The following SP110 variants were observed in gnomAD, a reference collection of about 807,000 sequenced individuals.
The protein encoded by SP110 is interferon-induced protein 41, 30kD.
Under a neutral mutation model 92.7 loss-of-function variants are expected in SP110, and 62 were observed. The ratio of observed to expected loss-of-function variants is 0.67; its 90% CI spans 0.55 to 0.83. The LOEUF (loss-of-function observed/expected upper bound fraction) is 0.83, where lower values mean the gene tolerates loss of function less well. SP110 is among the 40% of genes least tolerant of loss of function. The pLI, the probability that SP110 is intolerant of heterozygous loss-of-function variation, is 0.00. For missense variants in SP110, 793 were observed against 863.9 expected, an observed-to-expected ratio of 0.92 and a Z score of 1.03; for synonymous variants, 273 against 305.3, an observed-to-expected ratio of 0.89 and a Z score of 1.10.
chr2:230,173,967 C>T (rs2041733139), intron 14 of SP110: 1 of 152,196 alleles, frequency 6.6e-6, no homozygotes, highest in Admixed American at 6.5e-5. Flanking sequence ...TCTTTGCAGG[C>T]AGGATTTGAA....
At chr2:230,184,000 G>T (rs576085053) in intron 11 of SP110, among the ~76,000 whole-genome samples, 1 of 152,276 alleles carries the variant, frequency 6.6e-6, no homozygotes, top group East Asian at 1.9e-4. Context: ...CACCCCTGCA[G>T]ATACTATGTT....
chr2:230,220,056 C>T, upstream of SP110: 2 of 985,554 alleles, frequency 2.0e-6, no homozygotes, highest in Non-Finnish European at 2.4e-6. Flanking sequence ...TTTGCCAAGC[C>T]GGAAGCTGAA....
intron 12 of SP110, among the ~76,000 whole-genome samples, chr2:230,182,257 A>G (rs1277373480): frequency 2.0e-5 from 3 of 152,260 alleles, no homozygotes; most frequent in South Asian, 4.1e-4. Flanking sequence ...GAGTTAAACA[A>G]TGAGAACACA....
At chr2:230,209,422 G>A (rs1468598031) in intron 7 of SP110, among the ~76,000 whole-genome samples, 1 of 152,080 alleles carries the variant, frequency 6.6e-6, no homozygotes, top group African/African-American at 2.4e-5. Flanking sequence ...GGAAATTATT[G>A]GATGATATTG....
chr2:230,178,096 C>T, intron 13 of SP110, 61 bp downstream of exon 13: 1 of 1,002,410 alleles, frequency 1.0e-6, no homozygotes, highest in Admixed American at 1.9e-5. Context: ...CGGGTATTTT[C>T]CTCCCTTCTA....
intron 10 of SP110, among the ~76,000 whole-genome samples, chr2:230,195,765 A>G (rs2148818049): frequency 6.6e-6 from 1 of 152,362 alleles, no homozygotes; most frequent in East Asian, 1.9e-4. Flanking sequence ...AATGTTTAAA[A>G]AATTAAAAAT....
intron 12 of SP110, among the ~76,000 whole-genome samples, chr2:230,181,900 C>A (rs914942028): frequency 2.0e-5 from 3 of 152,224 alleles, no homozygotes; most frequent in Admixed American, 2.0e-4. Flanking sequence ...GAAGCAATTC[C>A]TCAAAGACCT....
chr2:230,221,209 A>T (rs1197563335), upstream of SP110, among the ~76,000 whole-genome samples: 2 of 148,140 alleles, frequency 1.4e-5, no homozygotes, highest in African/African-American at 5.0e-5. Context: ...TGAACCCAGG[A>T]GGTGGAGGTT....
chr2:230,221,694 A>G (rs1334838022), upstream of SP110: 3 of 1,535,918 alleles, frequency 2.0e-6, no homozygotes, highest in East Asian at 4.9e-5. Context: ...CAAATGTCAC[A>G]TGTCACTTAC....
intron 18 of SP110, 137 bp downstream of exon 18, chr2:230,170,484 G>GT (rs1026361985): frequency 1.3e-4 from 131 of 1,044,416 alleles, no homozygotes; most frequent in Middle Eastern, 6.2e-4. Context: ...TGCCGAGGTG[G>GT]TTTTTTTTCT....
At chr2:230,208,418 T>C (rs1484162055) in intron 7 of SP110, among the ~76,000 whole-genome samples, 1 of 152,158 alleles carries the variant, frequency 6.6e-6, no homozygotes, top group Admixed American at 6.5e-5. Context: ...ACTGCTTTAA[T>C]GAATACTTGA....
At chr2:230,215,184 G>A (rs1482245320) in intron 2 of SP110, 66 bp from the exon 3 acceptor site, 1 of 1,316,484 alleles carries the variant, frequency 7.6e-7, no homozygotes. Context: ...ATACATTTAT[G>A]GTTTTCTAAG....
chr2:230,185,930 T>C (rs2042335353), intron 11 of SP110, 64 bp downstream of exon 11: 1 of 1,394,276 alleles, frequency 7.2e-7, no homozygotes, highest in Non-Finnish European at 1.0e-6. Flanking sequence ...TCTGACCCTG[T>C]ACTGCTCCAA....
chr2:230,183,570 A>T lies in SP110; in HGVS notation c.1348+2T>A, dbSNP rs912331850. The T allele has an allele frequency of 1.4e-5, 22 of 1,606,492 alleles. No individual in the cohort carries two copies. Among genetic ancestry groups the T allele is most frequent in the Non-Finnish European group, 1.9e-5 (22 of 1,173,324 alleles). On this transcript the variant is annotated splice_donor_variant, in intron 12 of 18. Transcript: ENST00000258381. LOFTEE classifies it high-confidence loss of function. ...GGGAGGCGCTGTGGCTTGCTTGCTT[A>T]CCTCTTCGGTGAATATTTTTCTGAA...
intron 10 of SP110, among the ~76,000 whole-genome samples, chr2:230,195,975 CA>C (rs1368409671): frequency 6.6e-6 from 1 of 151,954 alleles, no homozygotes; most frequent in Non-Finnish European, 1.5e-5. Flanking sequence ...ATGAAGATGA[CA>C]AATTTATTTA....
At chr2:230,205,788 G>T (rs2043721810) in intron 8 of SP110, among the ~76,000 whole-genome samples, 1 of 152,164 alleles carries the variant, frequency 6.6e-6, no homozygotes, top group Non-Finnish European at 1.5e-5. Context: ...CCAGTGTGCA[G>T]CTGGCTATGT....
chr2:230,225,240 C>G (rs554381508), intron 1 of SP110, among the ~76,000 whole-genome samples: 131 of 152,324 alleles, frequency 8.6e-4, no homozygotes, highest in African/African-American at 3.0e-3. Flanking sequence ...TGCCCAACCT[C>G]AGCACTTGCC....
intron 10 of SP110, among the ~76,000 whole-genome samples, chr2:230,196,956 G>A (rs939268565): frequency 1.7e-4 from 26 of 152,228 alleles, no homozygotes; most frequent in African/African-American, 6.0e-4. Context: ...TGGACATTTG[G>A]GTTGGTTCCA....
chr2:230,220,078 G>C (rs1055752958), upstream of SP110: 1 of 985,448 alleles, frequency 1.0e-6, no homozygotes, highest in South Asian at 4.7e-5. Context: ...GCAGGTCGGT[G>C]CCTGCAGCCT....
Sources: gnomAD v4.1 joint callset for allele counts (sites outside exome capture counted in the v4.1 genomes callset) on GRCh38, gnomAD v4.1.1 for gene constraint, MANE v1.5 for transcripts, NCBI Gene and HGNC (gene_info 2026-07-23, HGNC 2026-07-21) for gene names.